The following COL14A1 variants were observed in gnomAD, a reference collection of about 807,000 sequenced individuals.
The protein encoded by COL14A1 is collagen alpha-1(XIV) chain.
A neutral mutation model predicts 230.3 loss-of-function variants in COL14A1; 136 were observed. The ratio of observed to expected loss-of-function variants is 0.59; its 90% CI spans 0.51 to 0.68. COL14A1 has a LOEUF of 0.68. Ranked by LOEUF, COL14A1 falls within the 30% of genes least tolerant of loss-of-function variation. COL14A1 has a pLI of 0.00. For missense variants in COL14A1, 1,976 were observed against 2,215.8 expected (o/e 0.89, Z 2.17); for synonymous variants, 792 against 784.1 (o/e 1.01, Z -0.17).
At chr8:120,326,890 G>A (rs964582204) in intron 40 of COL14A1, among the ~76,000 whole-genome samples, 2 of 152,058 alleles carry the variant, frequency 1.3e-5, no homozygotes, top group Non-Finnish European at 2.9e-5. Flanking sequence ...GCCGGGTGTG[G>A]TGGTGCATGT....
At chr8:120,151,686 A>AATG (rs1175122367) in intron 2 of COL14A1, among the ~76,000 whole-genome samples, 3 of 151,862 alleles carry the variant, frequency 2.0e-5, no homozygotes, top group Non-Finnish European at 4.4e-5. Flanking sequence ...TAGGCAGAAT[A>AATG]ATGTACCTGC....
intron 23 of COL14A1, among the ~76,000 whole-genome samples, chr8:120,256,357 A>G (rs1412512999): frequency 1.3e-5 from 2 of 152,214 alleles, no homozygotes; most frequent in African/African-American, 4.8e-5. Flanking sequence ...TTTTTGATCC[A>G]ATCCATAAAG....
At chr8:120,218,204 A>C (rs1817822941) in intron 14 of COL14A1, among the ~76,000 whole-genome samples, 2 of 139,560 alleles carry the variant, frequency 1.4e-5, no homozygotes, top group Admixed American at 1.5e-4. Flanking sequence ...TCTATATATA[A>C]ATATATAATA....
At chr8:120,272,047 T>C (rs1426355489) in intron 26 of COL14A1, among the ~76,000 whole-genome samples, 2 of 151,524 alleles carry the variant, frequency 1.3e-5, no homozygotes, top group African/African-American at 4.8e-5. Context: ...TGTGAAAGAA[T>C]GGCTAAGAAA....
At chr8:120,226,586 C>T in intron 15 of COL14A1, 41 bp from the exon 16 acceptor site, 1 of 1,607,800 alleles carries the variant, frequency 6.2e-7, no homozygotes, top group South Asian at 1.1e-5. Context: ...GCTTTCTTGC[C>T]TTCTCATTTC....
intron 5 of COL14A1, among the ~76,000 whole-genome samples, chr8:120,178,195 T>G (rs1383483495): frequency 6.6e-6 from 1 of 152,122 alleles, no homozygotes; most frequent in East Asian, 1.9e-4. Flanking sequence ...TCATCTGCAT[T>G]AGGTATTTCT....
rs761356546 is a variant in COL14A1, at chr8:120,243,980, C to T, written c.2451C>T (p.Gly817=). 6.8e-6 allele frequency: 11 copies of T among 1,612,934 alleles called. No homozygotes were observed. The highest frequency in any genetic ancestry group is 2.2e-5 in the East Asian group (1 of 44,860). Residue 817 remains glycine, a synonymous_variant, in exon 20 of 48, where the codon GGC becomes GGT. Transcript: ENST00000297848. ...TVTPIYTDGE[G]VSVSAPGKTL... is the part of the protein sequence containing the mutation. ...CTCCCATCTACACGGATGGCGAAGG[C>T]GTCAGCGTCTCCGCTCCTGGAAAAA...
In COL14A1 at chr8:120,339,370, G is replaced by T. The variant is rs757156267; in HGVS notation, c.4786-1955G>T. On this transcript the variant is annotated intron_variant, in intron 42 of 47. Coordinates refer to ENST00000297848, the MANE Select transcript of COL14A1 (RefSeq NM_021110.4). ...CCATTCAAACTTGAAGTGAAATTCA[G>T]CCACACTACATCCTCAGAAGGATCC... Among the ~76,000 whole-genome samples, 44 of 152,208 alleles carry T rather than the reference G, an allele frequency of 2.9e-4. 1 individual carries two copies. The highest frequency in any genetic ancestry group is 6.3e-4 in the Non-Finnish European group (43 of 68,034).
At chr8:120,317,585 G>A (rs775481927) in intron 40 of COL14A1, among the ~76,000 whole-genome samples, 9 of 152,184 alleles carry the variant, frequency 5.9e-5, no homozygotes, top group Admixed American at 2.6e-4. Flanking sequence ...GGATTCCTTC[G>A]TGATTCCTGA....
chr8:120,268,290 T>A (rs1819558569), intron 25 of COL14A1, among the ~76,000 whole-genome samples: 2 of 151,742 alleles, frequency 1.3e-5, no homozygotes. Flanking sequence ...TAGCCTTCTT[T>A]AGTCTCAACA....
intron 25 of COL14A1, 105 bp from the exon 26 acceptor site, chr8:120,269,930 A>G (rs1819608958): frequency 8.2e-7 from 1 of 1,215,110 alleles, no homozygotes; most frequent in South Asian, 1.5e-5. Context: ...TTTCCTTTGA[A>G]AAAGAGCTTC....
chr8:120,241,935 T>G (rs528040639), intron 19 of COL14A1, among the ~76,000 whole-genome samples: 1 of 152,164 alleles, frequency 6.6e-6, no homozygotes, highest in Non-Finnish European at 1.5e-5. Context: ...AAATTCAAAA[T>G]CTGAAATGCT....
chr8:120,232,501 A>G (rs967248344), intron 19 of COL14A1, among the ~76,000 whole-genome samples: 2 of 152,110 alleles, frequency 1.3e-5, no homozygotes, highest in African/African-American at 4.8e-5. Context: ...CCCACTTATG[A>G]GTGAGAACAT....
intron 2 of COL14A1, among the ~76,000 whole-genome samples, chr8:120,153,474 T>C (rs1563638774): frequency 6.6e-6 from 1 of 152,214 alleles, no homozygotes; most frequent in Non-Finnish European, 1.5e-5. Context: ...CATGAGCCAC[T>C]GTACCCCGCC....
At chr8:120,173,575 C>CTATCTATG (rs1193291449) in intron 5 of COL14A1, among the ~76,000 whole-genome samples, 1 of 151,878 alleles carries the variant, frequency 6.6e-6, no homozygotes, top group Non-Finnish European at 1.5e-5. Context: ...ATCTATCTAT[C>CTATCTATG]TATCTATCTA....
At chr8:120,138,491 C>G (rs886656712) in intron 1 of COL14A1, among the ~76,000 whole-genome samples, 1 of 152,130 alleles carries the variant, frequency 6.6e-6, no homozygotes, top group South Asian at 2.1e-4. Flanking sequence ...GCCAGTAAGA[C>G]AGCAGCTTTC....
At chr8:120,230,260 A>G (rs1260638250) in intron 18 of COL14A1, among the ~76,000 whole-genome samples, 3 of 152,002 alleles carry the variant, frequency 2.0e-5, no homozygotes, top group Middle Eastern at 3.4e-3. Context: ...TGTTTTTCCT[A>G]CATTAGTTGT....
At chr8:120,216,022 T>C (rs1817739623) in intron 13 of COL14A1, among the ~76,000 whole-genome samples, 1 of 152,226 alleles carries the variant, frequency 6.6e-6, no homozygotes, top group Non-Finnish European at 1.5e-5. Context: ...TAAAATTTTA[T>C]TTCAAGTTAC....
At chr8:120,337,441 A>G (rs144450125) in intron 42 of COL14A1, among the ~76,000 whole-genome samples, 411 of 152,014 alleles carry the variant, frequency 2.7e-3, no homozygotes, top group Non-Finnish European at 4.4e-3. Flanking sequence ...AAGAAAAAAA[A>G]GAAGGTACGT....
Sources: allele counts gnomAD v4.1 joint callset (sites outside exome capture counted in the v4.1 genomes callset), GRCh38; gene constraint gnomAD v4.1.1; transcripts MANE v1.5; gene names NCBI Gene and HGNC (gene_info 2026-07-23, HGNC 2026-07-21).